The following TECRL variants were observed in gnomAD, a reference collection of about 807,000 sequenced individuals.
TECRL encodes the protein trans-2,3-enoyl-CoA reductase like.
In TECRL, 63 loss-of-function variants were observed where a neutral mutation model predicts 52.8. The observed-to-expected ratio is 1.19, with a 90% CI of 0.97 to 1.47. The LOEUF (loss-of-function observed/expected upper bound fraction) is 1.47, where lower values mean the gene tolerates loss of function less well. Among genes scored for constraint, TECRL ranks in the 40% most tolerant of loss-of-function variants. The probability of loss-of-function intolerance (pLI) is 0.00; values close to 1 mark genes in which losing one functional copy is unlikely to be tolerated. For synonymous variants in TECRL, 164 were observed against 141.9 expected (o/e 1.16, Z -1.10); for missense variants, 482 against 429.6 (o/e 1.12, Z -1.08).
intron 8 of TECRL, among the ~76,000 whole-genome samples, chr4:64,296,413 A>G (rs1723684233): frequency 6.6e-6 from 1 of 151,874 alleles, no homozygotes; most frequent in South Asian, 2.1e-4. Context: ...TTTTAGGAAT[A>G]ATTTTAAAAC....
intron 1 of TECRL, among the ~76,000 whole-genome samples, chr4:64,398,767 G>A (rs549707476): frequency 9.6e-4 from 146 of 152,256 alleles, no homozygotes; most frequent in Non-Finnish European, 1.4e-3. Context: ...GAAGAGTTTC[G>A]AGAGTTCAGA....
At chr4:64,357,744 T>G (rs1341771919) in intron 2 of TECRL, among the ~76,000 whole-genome samples, 1 of 151,386 alleles carries the variant, frequency 6.6e-6, no homozygotes, top group Non-Finnish European at 1.5e-5. Context: ...AGATGAAAAA[T>G]AATTATTTCT....
intron 1 of TECRL, among the ~76,000 whole-genome samples, chr4:64,408,213 T>A (rs945532747): frequency 1.3e-5 from 2 of 152,034 alleles, no homozygotes; most frequent in Admixed American, 6.6e-5. Flanking sequence ...TTTTCCTTTT[T>A]TCTAAAGACC....
intron 2 of TECRL, among the ~76,000 whole-genome samples, chr4:64,368,553 G>A (rs532547771): frequency 1.3e-5 from 2 of 152,018 alleles, no homozygotes; most frequent in Admixed American, 6.6e-5. Context: ...CTTGGCCTCC[G>A]AAAGTGCTGG....
At chr4:64,379,069 AT>A (rs1259927725) in intron 1 of TECRL, among the ~76,000 whole-genome samples, 4 of 152,070 alleles carry the variant, frequency 2.6e-5, no homozygotes, top group Admixed American at 2.6e-4. Flanking sequence ...ATTGAAAAAA[AT>A]GTAAAAATTA....
chr4:64,342,051 C>A (rs1374569158), intron 2 of TECRL, among the ~76,000 whole-genome samples: 3 of 152,082 alleles, frequency 2.0e-5, no homozygotes, highest in African/African-American at 7.3e-5. Context: ...ATGAGCCCAG[C>A]AGGCCCAAGG....
At chr4:64,371,379 T>C (rs1223119618) in intron 2 of TECRL, among the ~76,000 whole-genome samples, 1 of 150,960 alleles carries the variant, frequency 6.6e-6, no homozygotes, top group Non-Finnish European at 1.5e-5. Flanking sequence ...ATAATTATAA[T>C]AAACAATTAA....
At chr4:64,404,875 C>T (rs1033780088) in intron 1 of TECRL, among the ~76,000 whole-genome samples, 1 of 152,070 alleles carries the variant, frequency 6.6e-6, no homozygotes, top group Non-Finnish European at 1.5e-5. Flanking sequence ...CATCTCAAAA[C>T]TATCACTACT....
rs560631870 is a variant in TECRL at position 64,291,556 on chromosome 4, C to A, written c.775-1789G>T. Among the ~76,000 whole-genome samples, 8 of 151,930 alleles carry A rather than the reference C, an allele frequency of 5.3e-5. No homozygotes were observed. The South Asian group carries it at 1.7e-3, about 32-fold the overall frequency. ...AAAATAAGTTTTAGAAATTATAATT[C>A]TTCTGATGAAACGTATTTGTTTTGA... On this transcript the variant is annotated intron_variant, in intron 8 of 11. Coordinates refer to ENST00000381210, the MANE Select transcript of TECRL (RefSeq NM_001010874.5).
chr4:64,323,230 C>T (rs1197876686), intron 3 of TECRL, among the ~76,000 whole-genome samples: 1 of 151,408 alleles, frequency 6.6e-6, no homozygotes, highest in African/African-American at 2.4e-5. Context: ...CCTGTCTCTA[C>T]AAAAAAACAG....
intron 8 of TECRL, among the ~76,000 whole-genome samples, chr4:64,299,631 T>A (rs935646967): frequency 2.6e-5 from 4 of 151,054 alleles, no homozygotes; most frequent in African/African-American, 9.7e-5. Flanking sequence ...GCCAAAGTGT[T>A]TTTGGGGTGT....
chr4:64,305,360 A>G, intron 6 of TECRL, 122 bp from the exon 7 acceptor site: 1 of 725,604 alleles, frequency 1.4e-6, no homozygotes, highest in Non-Finnish European at 2.3e-6. Context: ...TTTATATTAG[A>G]CACTGCAGCA....
chr4:64,379,454 A>G (rs1722629562), intron 1 of TECRL, among the ~76,000 whole-genome samples: 1 of 152,114 alleles, frequency 6.6e-6, no homozygotes, highest in African/African-American at 2.4e-5. Context: ...CCATCACCTT[A>G]AACACTTACC....
chr4:64,313,207 T>C (rs1170480584), intron 5 of TECRL, among the ~76,000 whole-genome samples: 2 of 152,038 alleles, frequency 1.3e-5, no homozygotes, highest in Non-Finnish European at 2.9e-5. Context: ...ATGAAATTAG[T>C]TCTTTATCTT....
At chr4:64,407,099 A>G (rs1376734568) in intron 1 of TECRL, among the ~76,000 whole-genome samples, 1 of 152,106 alleles carries the variant, frequency 6.6e-6, no homozygotes, top group Admixed American at 6.6e-5. Flanking sequence ...ACAAACTAAA[A>G]CAAGACACAG....
chr4:64,300,388 C>T (rs1321378617), intron 7 of TECRL, among the ~76,000 whole-genome samples: 1 of 150,452 alleles, frequency 6.6e-6, no homozygotes, highest in Non-Finnish European at 1.5e-5. Context: ...AAGGAAAATG[C>T]TGATTATAGT....
intron 3 of TECRL, among the ~76,000 whole-genome samples, chr4:64,325,032 G>T (rs1336446628): frequency 6.6e-6 from 1 of 152,148 alleles, no homozygotes; most frequent in Non-Finnish European, 1.5e-5. Context: ...TGTGTGTGCA[G>T]AAATCAGAGA....
At chr4:64,393,767 A>T (rs1263842204) in intron 1 of TECRL, among the ~76,000 whole-genome samples, 1 of 151,914 alleles carries the variant, frequency 6.6e-6, no homozygotes, top group Non-Finnish European at 1.5e-5. Context: ...AATTGTTAAA[A>T]TTAAAAAAAT....
chr4:64,306,058 T>C (rs1347279270), intron 6 of TECRL, among the ~76,000 whole-genome samples: 1 of 152,174 alleles, frequency 6.6e-6, no homozygotes, highest in Non-Finnish European at 1.5e-5. Context: ...TTTTGGGGGA[T>C]TGCTCAGGAT....
Sources: allele counts gnomAD v4.1 joint callset (sites outside exome capture counted in the v4.1 genomes callset), GRCh38; gene constraint gnomAD v4.1.1; transcripts MANE v1.5; gene names NCBI Gene and HGNC (gene_info 2026-07-23, HGNC 2026-07-21).